MAGI1: variants seen among roughly 807,000 people sequenced by gnomAD.
MAGI1 encodes membrane-associated guanylate kinase, WW and PDZ domain-containing protein 1.
MAGI1 carries 58 observed loss-of-function variants against 139.9 expected under a neutral mutation model. The observed-to-expected ratio is 0.41, with a 90% confidence interval of 0.34 to 0.52. MAGI1 has a LOEUF of 0.52. Among genes scored for constraint, MAGI1 ranks in the 20% least tolerant of loss-of-function variants. MAGI1 has a pLI of 0.12. For missense variants in MAGI1, 1,874 were observed against 1,901.6 expected, an observed-to-expected ratio of 0.99 and a Z score of 0.27; for synonymous variants, 812 against 737.9, an observed-to-expected ratio of 1.10 and a Z score of -1.63.
intron 12 of MAGI1, among the ~76,000 whole-genome samples, chr3:65,423,373 TGCACACACGC>T (rs941544036): frequency 2.1e-5 from 3 of 145,906 alleles, no homozygotes; most frequent in African/African-American, 7.4e-5. Flanking sequence ...CACACGTGCG[TGCACACACGC>T]GCACACACAC....
intron 2 of MAGI1, chr3:65,532,814 T>TC (rs2078776413): frequency 1.3e-5 from 2 of 152,178 alleles, no homozygotes; most frequent in African/African-American, 4.8e-5. Context: ...TTATGATCAT[T>TC]CCCCTTTTCT....
Position 65,897,898 on chromosome 3 carries a change from A to G in MAGI1, c.313+140098T>C, listed in dbSNP as rs542993116. On this transcript the variant is annotated intron_variant, in intron 1 of 22. Transcript: ENST00000402939. ...AAAAAGAAAGAAAGGAAAAGGGGGGAAAAAAAAAACTTAATGGAAAGCATT... is the reference window on the plus strand; with the variant it reads ...AAAAAGAAAGAAAGGAAAAGGGGGGGAAAAAAAAACTTAATGGAAAGCATT... 4.3e-3 allele frequency among the ~76,000 whole-genome samples: 169 copies of G among 39,090 alleles called. 1 individual carries two copies. The highest frequency in any genetic ancestry group is 0.013 in the African/African-American group (144 of 10,720). The allele number at this position is 39,090 out of a possible 152,430, so 25.6% of individuals were successfully genotyped here.
chr3:65,976,106 C>T (rs2065251582), intron 1 of MAGI1, among the ~76,000 whole-genome samples: 1 of 152,156 alleles, frequency 6.6e-6, no homozygotes, highest in Non-Finnish European at 1.5e-5. Context: ...AAGCCAGGAA[C>T]ATTTGGTGAA....
At chr3:65,426,202 T>C (rs1947032811) in intron 12 of MAGI1, among the ~76,000 whole-genome samples, 1 of 152,130 alleles carries the variant, frequency 6.6e-6, no homozygotes, top group South Asian at 2.1e-4. Context: ...CCCGGCTACT[T>C]GGGAGTATGG....
intron 1 of MAGI1, among the ~76,000 whole-genome samples, chr3:65,924,464 T>C (rs1011782379): frequency 5.9e-5 from 9 of 152,184 alleles, no homozygotes; most frequent in African/African-American, 1.2e-4. Context: ...AAGAATATCA[T>C]TGGGAGGTGA....
intron 1 of MAGI1, among the ~76,000 whole-genome samples, chr3:65,829,230 T>A (rs2042395441): frequency 1.3e-5 from 2 of 152,176 alleles, no homozygotes. Flanking sequence ...TCAGGCAAAA[T>A]GAAGAGCATT....
chr3:65,633,388 T>G (rs1388067485), intron 1 of MAGI1, among the ~76,000 whole-genome samples: 1 of 152,134 alleles, frequency 6.6e-6, no homozygotes, highest in East Asian at 1.9e-4. Context: ...AAACGTGTGG[T>G]GAGTGTGATG....
intron 1 of MAGI1, among the ~76,000 whole-genome samples, chr3:65,744,151 T>C (rs1350174555): frequency 1.3e-5 from 2 of 152,228 alleles, no homozygotes; most frequent in Admixed American, 1.3e-4. Context: ...AAGCTAACTT[T>C]TAAAATGTGC....
chr3:65,518,038 C>T (rs2077985047), intron 2 of MAGI1, among the ~76,000 whole-genome samples: 1 of 152,192 alleles, frequency 6.6e-6, no homozygotes. Flanking sequence ...TTTTGTCTGT[C>T]TCATTACTGT....
intron 1 of MAGI1, chr3:65,718,689 T>C (rs1380491831): frequency 6.6e-6 from 1 of 152,124 alleles, no homozygotes; most frequent in African/African-American, 2.4e-5. Context: ...TACAAATATG[T>C]GTGCCTAGAA....
intron 1 of MAGI1, among the ~76,000 whole-genome samples, chr3:66,003,518 T>C (rs1480118541): frequency 1.3e-5 from 2 of 152,104 alleles, no homozygotes; most frequent in Non-Finnish European, 2.9e-5. Context: ...AATGCAATGG[T>C]GTGATCTTGG....
At chr3:65,415,006 GAAAAAAAAAAAAACA>G (rs1413068845) in intron 12 of MAGI1, among the ~76,000 whole-genome samples, 513 of 105,618 alleles carry the variant, frequency 4.9e-3, no homozygotes, top group Non-Finnish European at 7.2e-3. Flanking sequence ...TCCAGCCTGG[GAAAAAAAAAAAAACA>G]AAAAAAAAAA....
intron 7 of MAGI1, among the ~76,000 whole-genome samples, chr3:65,446,957 T>C (rs1287103839): frequency 6.6e-6 from 1 of 152,204 alleles, no homozygotes. Flanking sequence ...TAGCCAACCA[T>C]GACTGATTAT....
At chr3:65,715,695 C>T (rs1279833362) in intron 1 of MAGI1, among the ~76,000 whole-genome samples, 1 of 152,202 alleles carries the variant, frequency 6.6e-6, no homozygotes, top group African/African-American at 2.4e-5. Context: ...AGATTTATCA[C>T]TTCTCTCAGG....
chr3:65,725,153 C>T (rs1302911749), intron 1 of MAGI1, among the ~76,000 whole-genome samples: 1 of 152,174 alleles, frequency 6.6e-6, no homozygotes, highest in East Asian at 1.9e-4. Context: ...CAGTTTGATT[C>T]TTTATCCCTT....
At chr3:65,575,397 G>C (rs2081137790) in intron 2 of MAGI1, among the ~76,000 whole-genome samples, 3 of 152,038 alleles carry the variant, frequency 2.0e-5, no homozygotes, top group Admixed American at 2.0e-4. Flanking sequence ...ATGAAAATGT[G>C]GAAGAAGTGA....
At position 65,620,017 on chromosome 3, in the gene MAGI1, T is replaced by C. The variant is rs567501449; in HGVS notation, c.430+1955A>G. On this transcript the variant is annotated intron_variant, in intron 2 of 22. Coordinates refer to ENST00000402939, the MANE Select transcript of MAGI1 (RefSeq NM_001033057.2). ...GTTCGTTTTTGCCCCAATTCCTACA[T>C]AGTGGTAAGCTTAAAATCAAGCCAT... 9 of 984,820 alleles carry C rather than the reference T, an allele frequency of 9.1e-6. No homozygotes were observed. The East Asian group carries it at 4.5e-4, about 50-fold the overall frequency. The allele number at this position is 984,820 out of a possible 1,614,324, so 61.0% of individuals were successfully genotyped here.
intron 1 of MAGI1, among the ~76,000 whole-genome samples, chr3:65,910,082 G>C (rs1013819418): frequency 6.6e-6 from 1 of 152,196 alleles, no homozygotes. Flanking sequence ...ACCTTCTGCT[G>C]TTCGGCTCAG....
Position 65,906,405 on chromosome 3 carries a change from A to G in MAGI1, c.313+131591T>C, listed in dbSNP as rs546057553. 1.4e-4 allele frequency among the ~76,000 whole-genome samples: 21 copies of G among 152,302 alleles called. No individual in the cohort carries two copies. The East Asian group carries it at 4.1e-3, about 29-fold the overall frequency. On this transcript the variant is annotated intron_variant, in intron 1 of 22. Coordinates refer to ENST00000402939, the MANE Select transcript of MAGI1 (RefSeq NM_001033057.2). ...GCATGTCCACTGGTCAGTTTAATAC[A>G]GGGCTGAACCACAGCAAGGGGAAGA...
Sources: allele counts gnomAD v4.1 joint callset (sites outside exome capture counted in the v4.1 genomes callset), GRCh38; gene constraint gnomAD v4.1.1; transcripts MANE v1.5; gene names NCBI Gene and HGNC (gene_info 2026-07-23, HGNC 2026-07-21).